The following HECTD4 variants were observed in gnomAD, a reference collection of about 807,000 sequenced individuals.
The protein encoded by HECTD4 is HECT domain E3 ubiquitin protein ligase 4.
Under a neutral mutation model 471.5 loss-of-function variants are expected in HECTD4, and 114 were observed. The observed-to-expected ratio is 0.24, with a 90% CI of 0.21 to 0.28. The LOEUF (loss-of-function observed/expected upper bound fraction) is 0.28, where lower values mean the gene tolerates loss of function less well. HECTD4 is among the 10% of genes least tolerant of loss of function. The pLI is 1.00. For synonymous variants in HECTD4, 2,012 were observed against 2,256.0 expected, an observed-to-expected ratio of 0.89 and a Z score of 3.07; for missense variants, 3,866 against 5,651.5, an observed-to-expected ratio of 0.68 and a Z score of 10.13.
At chr12:112,317,956 C>CAAAAAAA (rs59773169) in intron 2 of HECTD4, among the ~76,000 whole-genome samples, 2 of 22,232 alleles carry the variant, frequency 9.0e-5, no homozygotes, top group African/African-American at 3.0e-4. Context: ...GACCCCATCT[C>CAAAAAAA]AAAAAAAAAA....
chr12:112,180,815 G>C (rs1387513189), intron 62 of HECTD4, among the ~76,000 whole-genome samples: 1 of 152,152 alleles, frequency 6.6e-6, no homozygotes, highest in African/African-American at 2.4e-5. Context: ...CGCCAATGTG[G>C]GACAAGGCTG....
rs1419227780 is a variant in HECTD4 at position 112,237,098 on chromosome 12, C to G, written c.5291G>C (p.Gly1764Ala). The stretch of plus-strand genomic sequence containing the variant: ...TGAGTGCACAGCCTCTGTGGAGCCA[C>G]CTTCACAGTTAAAGAAAGAAAAAAA... ...NRCVEWEKEE[G>A]GSTEAVHSGL... Residue 1764 changes from glycine to alanine, a missense_variant and splice_region_variant, in exon 35 of 76, where the codon GGT (glycine) becomes GCT (alanine). Around this residue, in one of 16 missense-constraint regions of HECTD4, gnomAD observed 229 missense variants for 386.4 expected, o/e 0.59. Transcript: ENST00000682272. 6.4e-7 allele frequency: 1 copy of G among 1,567,610 alleles called. No homozygotes were observed. The highest frequency in any genetic ancestry group is 1.9e-5 in the Admixed American group (1 of 53,136).
In HECTD4 at chr12:112,213,905, C is replaced by T. The variant is rs1344310089; in HGVS notation, c.7466-1255G>A. Among the ~76,000 whole-genome samples, 4 of 151,130 alleles carry T rather than the reference C, an allele frequency of 2.6e-5. No individual in the cohort carries two copies. The highest frequency in any genetic ancestry group is 5.9e-5 in the Non-Finnish European group (4 of 67,848). ...GGCATGGTAGTGTGTGCCTATGGTC[C>T]CAGTTACTCAGGAGGCTGAGATGGG... On this transcript the variant is annotated intron_variant, in intron 48 of 75. Coordinates refer to ENST00000682272, the MANE Select transcript of HECTD4 (RefSeq NM_001388303.1). This position sits in a 1 kb window ranked among gnomAD's most constrained non-coding sequence, Gnocchi z 4.0.
At chr12:112,230,004 G>A in intron 40 of HECTD4, 124 bp from the exon 41 acceptor site, 2 of 856,094 alleles carry the variant, frequency 2.3e-6, no homozygotes, top group Non-Finnish European at 3.5e-6. Context: ...ACATGTGAGG[G>A]ACCAAAAAAC....
intron 44 of HECTD4, among the ~76,000 whole-genome samples, chr12:112,221,082 G>T (rs780786007): frequency 1.3e-5 from 2 of 152,082 alleles, no homozygotes; most frequent in South Asian, 2.1e-4. Context: ...CTCCCAAGCA[G>T]GTGGGACCAC....
chr12:112,258,781 CATCATTT>C, intron 19 of HECTD4, 185 bp from the exon 20 acceptor site: 1 of 567,990 alleles, frequency 1.8e-6, no homozygotes, highest in Non-Finnish European at 3.0e-6. Context: ...TAATGGAATG[CATCATTT>C]ATATTAGCTA....
intron 1 of HECTD4, among the ~76,000 whole-genome samples, chr12:112,345,469 A>ATTAGT (rs1180949053): frequency 6.6e-6 from 1 of 152,224 alleles, no homozygotes; most frequent in Non-Finnish European, 1.5e-5. Flanking sequence ...TTAGAGGAAA[A>ATTAGT]TTAGTTTACA....
chr12:112,365,449 A>AT (rs971630625), intron 1 of HECTD4, among the ~76,000 whole-genome samples: 9 of 152,032 alleles, frequency 5.9e-5, no homozygotes, highest in African/African-American at 2.2e-4. Flanking sequence ...TTCTTTTAAA[A>AT]TTTTTTTTGC....
intron 67 of HECTD4, 62 bp downstream of exon 67, chr12:112,172,609 C>T: frequency 1.3e-6 from 2 of 1,525,652 alleles, no homozygotes; most frequent in South Asian, 1.1e-5. Flanking sequence ...TGTAAATGCC[C>T]CTTGTCATGG....
intron 1 of HECTD4, among the ~76,000 whole-genome samples, chr12:112,331,862 G>A (rs748461744): frequency 2.6e-5 from 4 of 152,260 alleles, no homozygotes; most frequent in Middle Eastern, 6.8e-3. Flanking sequence ...GACAAGGGAG[G>A]TAATAATCCC....
At chr12:112,323,705 G>A (rs989000387) in intron 1 of HECTD4, among the ~76,000 whole-genome samples, 4 of 151,738 alleles carry the variant, frequency 2.6e-5, no homozygotes, top group African/African-American at 7.3e-5. Flanking sequence ...AGTTTTTTTG[G>A]GGGGGTTGAA....
chr12:112,196,070 T>C (rs2032232760), intron 55 of HECTD4, among the ~76,000 whole-genome samples: 1 of 152,170 alleles, frequency 6.6e-6, no homozygotes. Flanking sequence ...AGCCCAGTAG[T>C]TGGAGGCCAC....
At chr12:112,244,541 G>A (rs2033714414) in intron 29 of HECTD4, among the ~76,000 whole-genome samples, 1 of 152,016 alleles carries the variant, frequency 6.6e-6, no homozygotes, top group Non-Finnish European at 1.5e-5. Context: ...GGTAACCTCT[G>A]TATTTTTTTA....
At chr12:112,350,331 A>C (rs926768670) in intron 1 of HECTD4, among the ~76,000 whole-genome samples, 1 of 152,226 alleles carries the variant, frequency 6.6e-6, no homozygotes, top group Non-Finnish European at 1.5e-5. Flanking sequence ...TGATATGCTA[A>C]AAGGAGGTAA....
rs1255451567 is a variant in HECTD4, at chr12:112,164,251, C to A, written c.12559G>T (p.Ala4187Ser). ...ESINDETELE[A>S]LCAEIASQHL... is the part of the protein sequence containing the mutation. ...TGGGAGGCGATCTCAGCGCACAGGG[C>A]CTCCAGCTCGGTCTCATCATTGATC... is the stretch of plus-strand genomic sequence containing the variant. Residue 4187 changes from alanine (A) to serine (S), a missense_variant, in exon 73 of 76, where the codon GCC (alanine) becomes TCC (serine). Ala to Ser is a moderately conservative substitution (Grantham distance 99). Around this residue, in one of 16 missense-constraint regions of HECTD4, gnomAD observed 715 missense variants for 1,087.6 expected, o/e 0.66. Coordinates refer to ENST00000682272, the MANE Select transcript of HECTD4 (RefSeq NM_001388303.1). 6.2e-7 allele frequency: 1 copy of A among 1,613,368 alleles called. No individual in the cohort carries two copies.
chr12:112,299,784 T>G (rs2035124268), intron 7 of HECTD4, among the ~76,000 whole-genome samples: 4 of 152,266 alleles, frequency 2.6e-5, no homozygotes, highest in Admixed American at 2.6e-4. Flanking sequence ...TCAGAAGTTG[T>G]TCTTTTAATG....
intron 49 of HECTD4, among the ~76,000 whole-genome samples, chr12:112,212,053 C>T (rs1308647174): frequency 6.6e-6 from 1 of 152,172 alleles, no homozygotes; most frequent in Non-Finnish European, 1.5e-5. Flanking sequence ...AACAAGAGTT[C>T]CATCATTAAA....
chr12:112,258,605 CA>C lies in HECTD4; in HGVS notation c.3028-10del. 1.3e-6 allele frequency: 2 copies of C among 1,589,124 alleles called. No individual in the cohort carries two copies. The highest frequency in any genetic ancestry group is 1.7e-6 in the Non-Finnish European group (2 of 1,170,908). On this transcript the variant is annotated splice_polypyrimidine_tract_variant and intron_variant, in intron 19 of 75. Transcript: ENST00000682272. ...TTAAGCAGCAACGCCGTCTGAAACACAAAACCATCATTATGTCTTCCAGGGC... is the reference window on the plus strand; with the variant it reads ...TTAAGCAGCAACGCCGTCTGAAACACAAACCATCATTATGTCTTCCAGGGC...
rs73207617 is a variant in HECTD4, at chr12:112,162,621, G to A, written c.13121-98C>T. 0.068 allele frequency: 99,688 copies of A among 1,470,400 alleles called. 3,781 individuals are homozygous for A. The highest frequency in any genetic ancestry group is 0.1 in the South Asian group (8,295 of 81,276). 91.1% of individuals were successfully genotyped at this position (1,470,400 alleles called of 1,614,324 possible). A position where few individuals can be genotyped will look rare whatever the true frequency, so the allele number is the denominator to read the frequency against. ...TCTGCTTCCAGGTTTGCCTCCTTGGGTAGCCCCAAGCCAATCCTGGGGCCC... is the reference window on the plus strand; with the variant it reads ...TCTGCTTCCAGGTTTGCCTCCTTGGATAGCCCCAAGCCAATCCTGGGGCCC... On this transcript the variant is annotated intron_variant, in intron 75 of 75. Coordinates refer to ENST00000682272, the MANE Select transcript of HECTD4 (RefSeq NM_001388303.1). This position sits in a 1 kb window ranked among gnomAD's most constrained non-coding sequence, Gnocchi z 5.2.
Sources: allele counts gnomAD v4.1 joint callset (sites outside exome capture counted in the v4.1 genomes callset), GRCh38; gene constraint gnomAD v4.1.1; regional missense constraint gnomAD v4.1.1; non-coding constraint Gnocchi (gnomAD v3.1); transcripts MANE v1.5; gene names NCBI Gene and HGNC (gene_info 2026-07-23, HGNC 2026-07-21).